The following PLTP variants were observed in gnomAD, a reference collection of about 807,000 sequenced individuals.
PLTP encodes the protein phospholipid transfer protein, also known as BPI fold containing family E.
A neutral mutation model predicts 54.1 loss-of-function variants in PLTP; 43 were observed. The ratio of observed to expected loss-of-function variants is 0.79; its 90% CI spans 0.62 to 1.02. The LOEUF (loss-of-function observed/expected upper bound fraction) is 1.02. Ranked by LOEUF, PLTP falls within the 50% of genes least tolerant of loss-of-function variation. The probability of loss-of-function intolerance (pLI) is 0.00; values close to 1 mark genes in which losing one functional copy is unlikely to be tolerated. For synonymous variants in PLTP, 263 were observed against 264.6 expected (o/e 0.99, Z 0.06); for missense variants, 604 against 645.9 (o/e 0.94, Z 0.70).
rs559891051 is a variant in PLTP, at chr20:45,906,723, T to A, written c.614-364A>T. Among the ~76,000 whole-genome samples, 24 of 149,232 alleles carry A rather than the reference T, an allele frequency of 1.6e-4. No homozygotes were observed. The East Asian group carries it at 4.7e-3, about 29-fold the overall frequency. On this transcript the variant is annotated intron_variant, in intron 7 of 15. Transcript: ENST00000372431. ...TGGTCCACCACGGTGAAACCCCGTCTCTACTAAAAATACAAAAATTAGTTG... is the reference window on the plus strand; with the variant it reads ...TGGTCCACCACGGTGAAACCCCGTCACTACTAAAAATACAAAAATTAGTTG...
In PLTP at chr20:45,898,658, C is replaced by T; in HGVS notation, c.*283G>A. 1 of 684,820 alleles carries T rather than the reference C, an allele frequency of 1.5e-6. No individual in the cohort carries two copies. Among genetic ancestry groups the T allele is most frequent in the Non-Finnish European group, 2.6e-6 (1 of 388,568 alleles). The allele number at this position is 684,820 out of a possible 1,614,324, so 42.4% of individuals were successfully genotyped here. On this transcript the variant is annotated 3_prime_UTR_variant, in exon 16 of 16. Coordinates refer to ENST00000372431, the MANE Select transcript of PLTP (RefSeq NM_006227.4). The surrounding 1 kb of genome is among the most constrained non-coding windows in gnomAD (Gnocchi z 4.6). ...TAGCACTTTATTCCCGCAGCAGTTC[C>T]TGAATGGGGTGGCCTGGCCCCTTCT...
chr20:45,903,091 C>T (rs1412133436), intron 10 of PLTP, among the ~76,000 whole-genome samples: 1 of 152,208 alleles, frequency 6.6e-6, no homozygotes, highest in Non-Finnish European at 1.5e-5. Flanking sequence ...TTAATAGAAA[C>T]GGGGTTTCGC....
rs1038304843 is a variant in PLTP, at chr20:45,898,812, A to G, written c.*129T>C. 2 of 1,066,636 alleles carry G rather than the reference A, an allele frequency of 1.9e-6. No individual in the cohort carries two copies. The highest frequency in any genetic ancestry group is 2.6e-5 in the East Asian group (1 of 38,560). 66.1% of individuals were successfully genotyped at this position (1,066,636 alleles called of 1,614,324 possible). ...TTGATTATGGAATTAAATTGGGTAC[A>G]GCTTCAAATCCCGTCTTCTCTGTGG... On this transcript the variant is annotated 3_prime_UTR_variant, in exon 16 of 16. Transcript: ENST00000372431. The surrounding 1 kb of genome is among the most constrained non-coding windows in gnomAD (Gnocchi z 4.6).
In PLTP at chr20:45,902,430, G is replaced by T; in HGVS notation, c.1107+10C>A. ...CCCCCAGCCAGCAGCCCCCACTCTG[G>T]GACCCGTACCATAGTCATGCTGGAC... On this transcript the variant is annotated intron_variant, in intron 11 of 15. Coordinates refer to ENST00000372431, the MANE Select transcript of PLTP (RefSeq NM_006227.4). 6.2e-7 allele frequency: 1 copy of T among 1,614,192 alleles called. No individual in the cohort carries two copies. Among genetic ancestry groups the T allele is most frequent in the African/African-American group, 1.3e-5 (1 of 75,056 alleles).
chr20:45,899,812 G>GGGCCCCCCCCCC, intron 13 of PLTP, 24 bp downstream of exon 13: 1 of 309,340 alleles, frequency 3.2e-6, no homozygotes, highest in Non-Finnish European at 6.2e-6. Context: ...ACCCAGCCCA[G>GGGCCCCCCCCCC]CCCACCCACC....
chr20:45,900,712 A>G (rs1258567403), intron 12 of PLTP, among the ~76,000 whole-genome samples: 1 of 151,938 alleles, frequency 6.6e-6, no homozygotes, highest in African/African-American at 2.4e-5. Context: ...ATTTTTTTGT[A>G]GAGACAGGAT....
rs763830438 is a variant in PLTP at position 45,910,116 on chromosome 20, T to C, written c.201-46A>G. The C allele has an allele frequency of 4.4e-6, 7 of 1,607,496 alleles. No individual in the cohort carries two copies. In the East Asian group the frequency reaches 6.7e-5, roughly 15 times the overall value. ...AGATCCAGGGCCAAGAAGAGGGAACTTCCCCCAACGACAGGAAATTTGTCT... is the reference window on the plus strand; with the variant it reads ...AGATCCAGGGCCAAGAAGAGGGAACCTCCCCCAACGACAGGAAATTTGTCT... On this transcript the variant is annotated intron_variant, in intron 3 of 15. Coordinates refer to ENST00000372431, the MANE Select transcript of PLTP (RefSeq NM_006227.4).
At chr20:45,910,808 C>T in intron 3 of PLTP, 1 of 1,215,384 alleles carries the variant, frequency 8.2e-7, no homozygotes, top group Non-Finnish European at 1.0e-6. Flanking sequence ...TCCACCCCTC[C>T]GATTAACTCC....
At chr20:45,902,126 A>C (rs1744827024) in intron 12 of PLTP, 141 bp downstream of exon 12, 1 of 883,292 alleles carries the variant, frequency 1.1e-6, no homozygotes, top group Admixed American at 2.0e-5. Context: ...GACTTTACCA[A>C]AGCACTTTGG....
intron 3 of PLTP, 42 bp from the exon 4 acceptor site, chr20:45,910,112 G>C: frequency 6.2e-7 from 1 of 1,610,978 alleles, no homozygotes; most frequent in Non-Finnish European, 8.5e-7. Context: ...CAAGAAGAGG[G>C]AACTTCCCCC....
At chr20:45,911,120 C>T (rs780248254) in intron 3 of PLTP, 32 bp downstream of exon 3, 2 of 1,609,376 alleles carry the variant, frequency 1.2e-6, no homozygotes, top group Admixed American at 1.7e-5. Context: ...CGAGGCCCCG[C>T]CCCGGATCGC....
chr20:45,898,977 CG>C lies in PLTP; in HGVS notation c.1445del (p.Ala482GlyfsTer40). The C allele has an allele frequency of 1.2e-6, 2 of 1,614,042 alleles. No individual in the cohort carries two copies. Among genetic ancestry groups the C allele is most frequent in the Non-Finnish European group, 1.7e-6 (2 of 1,179,992 alleles). ...CTGTGGACGGTGTGGGGGCAGTGGA[CG>C]CCCTGACATCAGCAGGCCGGTTCTT... ...IEKNRPADVRASTAPTPSTAA... is the reference protein window; with the variant it reads ...IEKNRPADVRXSTAPTPSTAA... On this transcript the variant is annotated frameshift_variant, in exon 16 of 16. Transcript: ENST00000372431. LOFTEE classifies it high-confidence loss of function. This position sits in a 1 kb window ranked among gnomAD's most constrained non-coding sequence, Gnocchi z 4.6.
intron 15 of PLTP, 40 bp downstream of exon 15, chr20:45,899,422 G>T (rs1265282177): frequency 5.0e-6 from 8 of 1,601,522 alleles, no homozygotes; most frequent in Non-Finnish European, 6.8e-6. Flanking sequence ...ATAGAGAGAG[G>T]GGAAGGCCCT....
In PLTP at chr20:45,911,377, C is replaced by A; in HGVS notation, c.76G>T (p.Val26Phe). ...HAEFPGCKIR[V>F]TSKALELVKQ... ...CCCAGCTCCAGCGCCTTGGAGGTGACGCGGATCTTGCAGCCTGGGAACTCT... is the reference window on the plus strand; with the variant it reads ...CCCAGCTCCAGCGCCTTGGAGGTGAAGCGGATCTTGCAGCCTGGGAACTCT... Residue 26 changes from valine to phenylalanine, a missense_variant, in exon 2 of 16, where the codon GTC (valine) becomes TTC (phenylalanine). Coordinates refer to ENST00000372431, the MANE Select transcript of PLTP (RefSeq NM_006227.4). The A allele has an allele frequency of 6.2e-7, 1 of 1,612,128 alleles. No individual in the cohort carries two copies. The highest frequency in any genetic ancestry group is 8.5e-7 in the Non-Finnish European group (1 of 1,180,022).
chr20:45,908,779 G>A (rs573665762), intron 5 of PLTP, among the ~76,000 whole-genome samples: 1 of 151,826 alleles, frequency 6.6e-6, no homozygotes, highest in South Asian at 2.1e-4. Context: ...TCCAGGCTGG[G>A]TGACACAGTG....
intron 12 of PLTP, among the ~76,000 whole-genome samples, chr20:45,900,348 G>C (rs757941578): frequency 6.6e-6 from 1 of 151,570 alleles, no homozygotes; most frequent in African/African-American, 2.4e-5. Flanking sequence ...CTTGTGATCC[G>C]CCCGTCTCGG....
intron 7 of PLTP, among the ~76,000 whole-genome samples, chr20:45,907,104 A>G (rs1396027944): frequency 1.3e-4 from 13 of 96,950 alleles, no homozygotes; most frequent in Non-Finnish European, 3.1e-4. Flanking sequence ...CAAGGTGGGC[A>G]GATCAGGAGG....
In PLTP at chr20:45,907,829, C is replaced by T. The variant is rs1359208125; in HGVS notation, c.549+12G>A. The T allele has an allele frequency of 3.1e-6, 5 of 1,603,752 alleles. No individual in the cohort carries two copies. The highest frequency in any genetic ancestry group is 3.5e-5 in the Admixed American group (2 of 57,814). On this transcript the variant is annotated intron_variant, in intron 6 of 15. Transcript: ENST00000372431. ...CCACCCTTGCCACCCTGCGACCTGT[C>T]GCTGCCCACACCTGCTGGTTGAGGA...
rs780640773 is a variant in PLTP, at chr20:45,906,402, G to A, written c.614-43C>T. On this transcript the variant is annotated intron_variant, in intron 7 of 15. Coordinates refer to ENST00000372431, the MANE Select transcript of PLTP (RefSeq NM_006227.4). ...AGTCACTCACGGCTGTGTGATGTGG[G>A]ATAAGGTGCTTAACCTCTCCAGGCT... 8.0e-6 allele frequency: 12 copies of A among 1,494,112 alleles called. No individual in the cohort carries two copies. The Admixed American group carries it at 1.6e-4, about 20-fold the overall frequency. 92.6% of individuals were successfully genotyped at this position (1,494,112 alleles called of 1,614,324 possible). A position where few individuals can be genotyped will look rare whatever the true frequency, so the allele number is the denominator to read the frequency against.
Sources: allele counts gnomAD v4.1 joint callset (sites outside exome capture counted in the v4.1 genomes callset), GRCh38; gene constraint gnomAD v4.1.1; non-coding constraint Gnocchi (gnomAD v3.1); transcripts MANE v1.5; gene names NCBI Gene and HGNC (gene_info 2026-07-23, HGNC 2026-07-21).